The following PTPRN2 variants were observed in gnomAD, a reference collection of about 807,000 sequenced individuals.
PTPRN2 encodes protein tyrosine phosphatase receptor type N2, also known as receptor-type tyrosine-protein phosphatase N2.
In PTPRN2, 74 loss-of-function variants were observed where a neutral mutation model predicts 118.8. The ratio of observed to expected loss-of-function variants is 0.62; its 90% CI spans 0.52 to 0.76. The LOEUF (loss-of-function observed/expected upper bound fraction) is 0.76, where lower values mean the gene tolerates loss of function less well. PTPRN2 is among the 30% of genes least tolerant of loss of function. The pLI is 0.00. For synonymous variants in PTPRN2, 641 were observed against 608.0 expected, an observed-to-expected ratio of 1.05 and a Z score of -0.80; for missense variants, 1,481 against 1,394.4, an observed-to-expected ratio of 1.06 and a Z score of -0.99.
intron 1 of PTPRN2, among the ~76,000 whole-genome samples, chr7:158,520,693 C>G (rs1346294378): frequency 1.3e-5 from 2 of 152,194 alleles, no homozygotes; most frequent in African/African-American, 4.8e-5. Context: ...AAGACTATAA[C>G]TCCTGGATTT....
chr7:158,164,162 G>A (rs1822656578), intron 6 of PTPRN2, among the ~76,000 whole-genome samples: 1 of 152,232 alleles, frequency 6.6e-6, no homozygotes, highest in African/African-American at 2.4e-5. Flanking sequence ...GAACGAGAAG[G>A]CGCCAAGGCA....
chr7:157,849,830 G>A (rs1487272070), intron 12 of PTPRN2, among the ~76,000 whole-genome samples: 8 of 152,158 alleles, frequency 5.3e-5, no homozygotes, highest in Non-Finnish European at 1.2e-4. Context: ...GAGGCCAAAC[G>A]TGTTATTTTA....
At chr7:158,259,681 C>A (rs1013777341) in intron 3 of PTPRN2, among the ~76,000 whole-genome samples, 10 of 151,916 alleles carry the variant, frequency 6.6e-5, no homozygotes, top group Admixed American at 6.6e-4. Flanking sequence ...TGTATATATG[C>A]ATGTGTTTGT....
rs13308765 is a variant in PTPRN2, at chr7:157,725,301, C to G, written c.1789-42364G>C. On this transcript the variant is annotated intron_variant, in intron 12 of 22. Coordinates refer to ENST00000389418, the MANE Select transcript of PTPRN2 (RefSeq NM_002847.5). ...TCCCAGGAGAACTGGATACCTACAC[C>G]CAGAGGAGTGTGGCCAGACCCTCGC... Among the ~76,000 whole-genome samples, 350 of 96,794 alleles carry G rather than the reference C, an allele frequency of 3.6e-3. 4 individuals are homozygous for G. The highest frequency in any genetic ancestry group is 0.015 in the African/African-American group (261 of 17,622). 63.5% of individuals were successfully genotyped at this position (96,794 alleles called of 152,430 possible).
intron 1 of PTPRN2, among the ~76,000 whole-genome samples, chr7:158,578,527 CCT>C (rs1160750491): frequency 1.7e-5 from 1 of 59,874 alleles, no homozygotes; most frequent in Non-Finnish European, 3.3e-5. Context: ...AGAGCCAGAC[CCT>C]GTCTCTGTAA....
intron 2 of PTPRN2, among the ~76,000 whole-genome samples, chr7:158,332,165 T>C (rs1804605858): frequency 6.7e-6 from 1 of 149,506 alleles, no homozygotes; most frequent in Admixed American, 6.6e-5. Context: ...CAGATGTCAC[T>C]CACATCCACA....
At chr7:157,923,628 A>C (rs1400351021) in intron 11 of PTPRN2, among the ~76,000 whole-genome samples, 5 of 152,124 alleles carry the variant, frequency 3.3e-5, no homozygotes. Flanking sequence ...CTTCCATCCC[A>C]TTCCCTCAAC....
chr7:158,414,693 G>A (rs969964117), intron 2 of PTPRN2, among the ~76,000 whole-genome samples: 3 of 152,192 alleles, frequency 2.0e-5, no homozygotes, highest in African/African-American at 7.2e-5. Flanking sequence ...ATTGTGCCGT[G>A]CCTCCCGCCC....
At chr7:158,321,296 C>A (rs548405962) in intron 2 of PTPRN2, among the ~76,000 whole-genome samples, 2 of 152,326 alleles carry the variant, frequency 1.3e-5, no homozygotes, top group Admixed American at 1.3e-4. Flanking sequence ...GAGCCCGTAA[C>A]CCTCAGGCCC....
At chr7:158,550,732 C>T (rs1826594593) in intron 1 of PTPRN2, among the ~76,000 whole-genome samples, 1 of 152,252 alleles carries the variant, frequency 6.6e-6, no homozygotes, top group Non-Finnish European at 1.5e-5. Flanking sequence ...CTATTTCTCT[C>T]ATAGGCGTCG....
chr7:157,541,275 C>T (rs886094060), intron 22 of PTPRN2, among the ~76,000 whole-genome samples: 30 of 152,360 alleles, frequency 2.0e-4, no homozygotes, highest in African/African-American at 6.3e-4. Flanking sequence ...GTGTTATCAT[C>T]GCTTTTGAAA....
intron 12 of PTPRN2, among the ~76,000 whole-genome samples, chr7:157,827,063 G>A (rs1423047157): frequency 6.6e-6 from 1 of 152,056 alleles, no homozygotes; most frequent in Non-Finnish European, 1.5e-5. Context: ...TAGGTTCTCT[G>A]GTCCTAACAC....
chr7:157,682,161 C>A (rs1189140928), intron 13 of PTPRN2, among the ~76,000 whole-genome samples: 2 of 152,192 alleles, frequency 1.3e-5, no homozygotes, highest in Non-Finnish European at 2.9e-5. Flanking sequence ...CTCGCATCCT[C>A]CCCGGTTTCC....
chr7:157,773,294 A>C (rs1258567282), intron 12 of PTPRN2, among the ~76,000 whole-genome samples: 1 of 152,188 alleles, frequency 6.6e-6, no homozygotes. Flanking sequence ...TAGAAGCACA[A>C]ACCAAGCACA....
intron 16 of PTPRN2, among the ~76,000 whole-genome samples, chr7:157,597,621 G>A (rs1238622767): frequency 2.0e-5 from 3 of 152,226 alleles, no homozygotes; most frequent in Non-Finnish European, 4.4e-5. Flanking sequence ...TTGCAGGAGG[G>A]TCGATAAGGT....
chr7:158,507,958 T>C (rs141105437), intron 1 of PTPRN2, among the ~76,000 whole-genome samples: 3,408 of 149,294 alleles, frequency 0.023, 172 homozygotes, highest in African/African-American at 0.081. Flanking sequence ...CACATGGAGG[T>C]CAGTGAGGAC....
chr7:158,408,705 G>A (rs1208161162), intron 2 of PTPRN2, among the ~76,000 whole-genome samples: 1 of 152,204 alleles, frequency 6.6e-6, no homozygotes, highest in African/African-American at 2.4e-5. Flanking sequence ...CCAAACGTGT[G>A]ACCACCCTTC....
At chr7:157,822,559 T>C (rs1806916846) in intron 12 of PTPRN2, among the ~76,000 whole-genome samples, 1 of 151,848 alleles carries the variant, frequency 6.6e-6, no homozygotes, top group Admixed American at 6.6e-5. Context: ...AATCATCCGC[T>C]ATCCATTATC....
intron 12 of PTPRN2, among the ~76,000 whole-genome samples, chr7:157,807,889 G>C (rs1391430179): frequency 1.3e-5 from 2 of 152,222 alleles, no homozygotes; most frequent in African/African-American, 2.4e-5. Context: ...ATGTTTACGT[G>C]GGTTACCCTA....
Sources: gnomAD v4.1 joint callset for allele counts (sites outside exome capture counted in the v4.1 genomes callset) on GRCh38, gnomAD v4.1.1 for gene constraint, MANE v1.5 for transcripts, NCBI Gene and HGNC (gene_info 2026-07-23, HGNC 2026-07-21) for gene names.